Variants in TIAM1 observed in about 807,000 individuals in gnomAD.
The protein encoded by TIAM1 is TIAM Rac1 associated GEF 1, also known as rho guanine nucleotide exchange factor TIAM1.
Under a neutral mutation model 163.5 loss-of-function variants are expected in TIAM1, and 65 were observed. The ratio of observed to expected loss-of-function variants is 0.40; its 90% CI spans 0.33 to 0.49. The LOEUF is 0.49. Among genes scored for constraint, TIAM1 ranks in the 20% least tolerant of loss-of-function variants. The probability of loss-of-function intolerance (pLI) is 0.77; values close to 1 mark genes in which losing one functional copy is unlikely to be tolerated. For synonymous variants in TIAM1, 833 were observed against 810.1 expected (o/e 1.03, Z -0.48); for missense variants, 1,789 against 2,044.7 (o/e 0.87, Z 2.41).
chr21:31,258,203 T>G (rs1020162192), intron 4 of TIAM1, among the ~76,000 whole-genome samples: 4 of 152,136 alleles, frequency 2.6e-5, no homozygotes, highest in African/African-American at 9.7e-5. Flanking sequence ...GATCTTTCCT[T>G]GTTGACGCAT....
intron 2 of TIAM1, among the ~76,000 whole-genome samples, chr21:31,419,713 T>A: frequency 6.6e-6 from 1 of 151,530 alleles, no homozygotes; most frequent in East Asian, 1.9e-4. Flanking sequence ...AAAACAAAAG[T>A]GGAAAACAAA....
At chr21:31,238,023 C>T (rs1273122157) in intron 6 of TIAM1, among the ~76,000 whole-genome samples, 2 of 152,234 alleles carry the variant, frequency 1.3e-5, no homozygotes, top group Non-Finnish European at 2.9e-5. Context: ...CCACTCTCCC[C>T]TGGCCTCACA....
chr21:31,184,391 C>A (rs983134324), intron 14 of TIAM1, among the ~76,000 whole-genome samples: 1 of 152,172 alleles, frequency 6.6e-6, no homozygotes, highest in South Asian at 2.1e-4. Context: ...CAGGTGTGAG[C>A]CACCGTGCCC....
intron 2 of TIAM1, among the ~76,000 whole-genome samples, chr21:31,374,510 C>T (rs143383154): frequency 6.6e-6 from 1 of 152,272 alleles, no homozygotes; most frequent in East Asian, 1.9e-4. Context: ...ACTAAAGGAT[C>T]GGATATCCTC....
chr21:31,235,138 A>G (rs561714381), intron 6 of TIAM1, among the ~76,000 whole-genome samples: 1 of 152,312 alleles, frequency 6.6e-6, no homozygotes, highest in South Asian at 2.1e-4. Flanking sequence ...GGAGCAGGAC[A>G]ATGTGCCAGG....
At chr21:31,475,186 G>A (rs1021246658) in intron 1 of TIAM1, among the ~76,000 whole-genome samples, 2 of 151,876 alleles carry the variant, frequency 1.3e-5, no homozygotes, top group Admixed American at 6.6e-5. Context: ...GCAAGTAGCT[G>A]GGACTACAGG....
At position 31,513,877 on chromosome 21, in the gene TIAM1, T is replaced by C. The variant is rs556800358; in HGVS notation, c.-422+45050A>G. ...ACAAAATTAGCCGGGCATGGTGGCA[T>C]ATGCCTGTAATCCCAGCTACTCCGG... On this transcript the variant is annotated intron_variant, in intron 1 of 28. Coordinates refer to the TIAM1 transcript ENST00000286827. 1.5e-3 allele frequency among the ~76,000 whole-genome samples: 222 copies of C among 152,074 alleles called. 2 individuals carry two copies. The highest frequency in any genetic ancestry group is 5.9e-3 in the Admixed American group (90 of 15,252).
intron 2 of TIAM1, among the ~76,000 whole-genome samples, chr21:31,399,941 A>G (rs1309283837): frequency 6.6e-6 from 1 of 152,048 alleles, no homozygotes; most frequent in Non-Finnish European, 1.5e-5. Context: ...TTGATTTCTA[A>G]GGGCTCCTGA....
At chr21:31,536,022 G>T (rs532812764) in intron 1 of TIAM1, among the ~76,000 whole-genome samples, 1 of 152,156 alleles carries the variant, frequency 6.6e-6, no homozygotes, top group African/African-American at 2.4e-5. Flanking sequence ...TTCTAGAGGC[G>T]ATGGTGCCTG....
intron 2 of TIAM1, among the ~76,000 whole-genome samples, chr21:31,393,746 G>A (rs2077006374): frequency 6.6e-6 from 1 of 152,064 alleles, no homozygotes; most frequent in Admixed American, 6.6e-5. Flanking sequence ...CTTAAGGAGT[G>A]GTTTTAATGG....
intron 15 of TIAM1, among the ~76,000 whole-genome samples, chr21:31,168,947 G>A (rs569140424): frequency 7.2e-5 from 11 of 152,070 alleles, no homozygotes; most frequent in Non-Finnish European, 1.2e-4. Context: ...GAATGACACC[G>A]CAATGATCAG....
At position 31,512,295 on chromosome 21, in the gene TIAM1, C is replaced by G. The variant is rs944781936; in HGVS notation, c.-422+46632G>C. On this transcript the variant is annotated intron_variant, in intron 1 of 28. Coordinates refer to the TIAM1 transcript ENST00000286827. ...TTCACTTTTTGTAGAGGTGGGGCCT[C>G]CCCTGTGTTGCCCAGGCTGGTCTCA... 1.4e-4 allele frequency among the ~76,000 whole-genome samples: 21 copies of G among 151,852 alleles called. 2 individuals carry two copies. Among genetic ancestry groups the G allele is most frequent in the African/African-American group, 4.8e-4 (20 of 41,398 alleles).
intron 2 of TIAM1, among the ~76,000 whole-genome samples, chr21:31,309,142 T>C (rs184595290): frequency 7.2e-5 from 11 of 152,266 alleles, no homozygotes; most frequent in Non-Finnish European, 1.3e-4. Context: ...AGACGACTAG[T>C]AACAGATGAA....
intron 2 of TIAM1, among the ~76,000 whole-genome samples, chr21:31,370,491 C>G (rs905429311): frequency 2.0e-5 from 3 of 151,954 alleles, no homozygotes; most frequent in Non-Finnish European, 4.4e-5. Flanking sequence ...TGTGTGTGCA[C>G]GCGCATGTGT....
At chr21:31,326,650 C>T (rs2075497590) in intron 2 of TIAM1, among the ~76,000 whole-genome samples, 2 of 152,158 alleles carry the variant, frequency 1.3e-5, no homozygotes, top group South Asian at 4.1e-4. Context: ...TGTGCGTGAT[C>T]ATACACTTCC....
At chr21:31,154,113 G>T in intron 17 of TIAM1, 134 bp downstream of exon 17, 2 of 1,026,930 alleles carry the variant, frequency 1.9e-6, no homozygotes, top group Non-Finnish European at 1.4e-6. Context: ...CAGAGTATAG[G>T]CAAAATTCCA....
At chr21:31,411,321 T>C (rs1237399119) in intron 2 of TIAM1, among the ~76,000 whole-genome samples, 1 of 152,152 alleles carries the variant, frequency 6.6e-6, no homozygotes, top group East Asian at 1.9e-4. Flanking sequence ...TAAAGGTGAC[T>C]ACAGAGCAGA....
At chr21:31,402,812 C>T (rs1393868549) in intron 2 of TIAM1, among the ~76,000 whole-genome samples, 2 of 151,952 alleles carry the variant, frequency 1.3e-5, no homozygotes, top group African/African-American at 2.4e-5. Flanking sequence ...ATTAGCCGGG[C>T]GTGGTAGCAG....
intron 2 of TIAM1, among the ~76,000 whole-genome samples, chr21:31,439,904 G>C (rs907121434): frequency 1.3e-5 from 2 of 152,182 alleles, no homozygotes; most frequent in African/African-American, 2.4e-5. Flanking sequence ...GAATATAACA[G>C]CTAGTGTAGA....
Sources: allele counts gnomAD v4.1 joint callset (sites outside exome capture counted in the v4.1 genomes callset), GRCh38; gene constraint gnomAD v4.1.1; transcripts MANE v1.5; gene names NCBI Gene and HGNC (gene_info 2026-07-23, HGNC 2026-07-21).